The following DVL1 variants were observed in gnomAD, a reference collection of about 807,000 sequenced individuals.
DVL1 encodes segment polarity protein dishevelled homolog DVL-1.
In DVL1, 49 loss-of-function variants were observed where a neutral mutation model predicts 65.0. The observed-to-expected ratio is 0.75, with a 90% CI of 0.60 to 0.96. The LOEUF (loss-of-function observed/expected upper bound fraction) is 0.96, where lower values mean the gene tolerates loss of function less well. Ranked by LOEUF, DVL1 falls within the 40% of genes least tolerant of loss-of-function variation. DVL1 has a pLI of 0.00. For missense variants in DVL1, 1,197 were observed against 1,045.4 expected (o/e 1.15, Z -2.00); for synonymous variants, 608 against 433.9 (o/e 1.40, Z -4.99).
Position 1,348,946 on chromosome 1 carries a change from C to T in DVL1, c.120G>A (p.Arg40=). 1 of 1,574,634 alleles carries T rather than the reference C, an allele frequency of 6.4e-7. No homozygotes were observed. The highest frequency in any genetic ancestry group is 2.4e-5 in the East Asian group (1 of 41,338). ...LADFKNVLSN[R]PVHAYKFFFK... is the part of the protein sequence containing the mutation. ...AGAAGAATTTGTAGGCGTGCACGGG[C>T]CGGTTGCTGAGCACGTTCTTGAAGT... The change falls in exon 1 of 15, where the codon CGG becomes CGA. Residue 40 remains arginine (R), a synonymous_variant. Coordinates refer to ENST00000378888, the MANE Select transcript of DVL1 (RefSeq NM_001330311.2).
Position 1,341,909 on chromosome 1 carries a change from G to A in DVL1, c.467-104C>T, listed in dbSNP as rs1225656421. 2.1e-5 allele frequency: 31 copies of A among 1,473,670 alleles called. No individual in the cohort carries two copies. The African/African-American group carries it at 2.9e-4, about 14-fold the overall frequency. 91.3% of individuals were successfully genotyped at this position (1,473,670 alleles called of 1,614,324 possible). ...ATGCCTGTGGGTCTGGGAGCTGGCA[G>A]CTCAACTGTAGGCTCGCTGGGCCTG... is the stretch of plus-strand genomic sequence containing the variant. On this transcript the variant is annotated intron_variant, in intron 4 of 14. Coordinates refer to ENST00000378888, the MANE Select transcript of DVL1 (RefSeq NM_001330311.2).
At position 1,336,393 on chromosome 1, in the gene DVL1, C is replaced by A; in HGVS notation, c.1837G>T (p.Gly613Trp). 6.3e-7 allele frequency: 1 copy of A among 1,599,162 alleles called. No individual in the cohort carries two copies. The highest frequency in any genetic ancestry group is 1.1e-5 in the South Asian group (1 of 90,880). The change falls in exon 15 of 15, where the codon GGG becomes TGG. Residue 613 changes from glycine (G) to tryptophan (W), a missense_variant. Physicochemically the swap from Gly to Trp is radical, Grantham distance 184. Coordinates refer to ENST00000378888, the MANE Select transcript of DVL1 (RefSeq NM_001330311.2). ...ESDHTAPSGV[G>W]SSWRERPAGQ... ...GCCGGACGCTCTCGCCAGCTGCTCCCCACCCCACTCGGTGCCGTGTGATCC... is the reference window on the plus strand; with the variant it reads ...GCCGGACGCTCTCGCCAGCTGCTCCACACCCCACTCGGTGCCGTGTGATCC...
At position 1,346,814 on chromosome 1, in the gene DVL1, T is replaced by C. The variant is rs546831829; in HGVS notation, c.170+2082A>G. ...CCCCAGCCTGAAGCTCCCTCTCTTA[T>C]GAAGGCCACCCCAGACCAGCGAGGA... On this transcript the variant is annotated intron_variant, in intron 1 of 14. Coordinates refer to ENST00000378888, the MANE Select transcript of DVL1 (RefSeq NM_001330311.2). Among the ~76,000 whole-genome samples, 5 of 152,286 alleles carry C rather than the reference T, an allele frequency of 3.3e-5. No individual in the cohort carries two copies. The East Asian group carries it at 7.7e-4, about 23-fold the overall frequency.
Position 1,338,623 on chromosome 1 carries a change from C to G in DVL1, c.1238G>C (p.Ser413Thr), listed in dbSNP as rs1643674534. The G allele has an allele frequency of 3.1e-6, 5 of 1,611,726 alleles. No homozygotes were observed. Among genetic ancestry groups the G allele is most frequent in the Non-Finnish European group, 4.2e-6 (5 of 1,179,834 alleles). ...GACCCGGACGACGGCGCTCATGTCA[C>G]TCTTCACCGTCAGCGGCGCCTCTTC... ...QLEEAPLTVK[S>T]DMSAVVRVMQ... Residue 413 changes from serine (S) to threonine (T), a missense_variant, in exon 12 of 15, where the codon AGT becomes ACT. Physicochemically the swap from Ser to Thr is moderately conservative, Grantham distance 58. Transcript: ENST00000378888.
chr1:1,340,321 G>A lies in DVL1; in HGVS notation c.700-5C>T, dbSNP rs774635123. 14 of 1,613,830 alleles carry A rather than the reference G, an allele frequency of 8.7e-6. No individual in the cohort carries two copies. The East Asian group carries it at 2.7e-4, about 31-fold the overall frequency. On this transcript the variant is annotated splice_region_variant and splice_polypyrimidine_tract_variant and intron_variant, in intron 6 of 14. Coordinates refer to ENST00000378888, the MANE Select transcript of DVL1 (RefSeq NM_001330311.2). ...TATGCTGCTGAAGGAGGAGGCCTAT[G>A]GAGGAGAGGGGGCGTGTGTAAAAGG... is the stretch of plus-strand genomic sequence containing the variant.
Position 1,339,807 on chromosome 1 carries a change from A to G in DVL1, c.915T>C (p.Asn305=), listed in dbSNP as rs1007568387. The G allele has an allele frequency of 1.2e-6, 2 of 1,609,514 alleles. No homozygotes were observed. Among genetic ancestry groups the G allele is most frequent in the South Asian group, 1.1e-5 (1 of 91,022 alleles). The change falls in exon 9 of 15, where the codon AAT becomes AAC. Residue 305 remains asparagine, a synonymous_variant. Coordinates refer to ENST00000378888, the MANE Select transcript of DVL1 (RefSeq NM_001330311.2). The stretch of plus-strand genomic sequence containing the variant: ...TGCTCATGTTCTCAAAGTTCACGTC[A>G]TTCACCTGCAGGGGTGGGGATTAGG... The part of the protein sequence containing the change: ...IEPGDMLLQV[N]DVNFENMSND...
chr1:1,338,420 G>C lies in DVL1; in HGVS notation c.1356C>G (p.Asp452Glu), dbSNP rs375510995. ...ANAVIGADVV[D>E]WLYTHVEGFK... ...AGCCCTCCACGTGTGTGTACAGCCA[G>C]TCCACCACGTCCGCCCCTGGCCGGC... Residue 452 changes from aspartate (D) to glutamate (E), a missense_variant, in exon 13 of 15, where the codon GAC becomes GAG. Asp to Glu is a conservative substitution (Grantham distance 45). Coordinates refer to ENST00000378888, the MANE Select transcript of DVL1 (RefSeq NM_001330311.2). 1.2e-6 allele frequency: 2 copies of C among 1,611,310 alleles called. No homozygotes were observed. The highest frequency in any genetic ancestry group is 2.2e-5 in the South Asian group (2 of 91,020).
Position 1,339,335 on chromosome 1 carries a change from T to A in DVL1, c.1159A>T (p.Thr387Ser). The change falls in exon 11 of 15, where the codon ACG (threonine) becomes TCG (serine). Residue 387 changes from threonine to serine, a missense_variant. Thr to Ser is a moderately conservative substitution (Grantham distance 58). Coordinates refer to ENST00000378888, the MANE Select transcript of DVL1 (RefSeq NM_001330311.2). ...YGTSPCSSAV[T>S]RTSSSSLTSS... Reference sequence around the variant, plus strand: ...GTTAGTGAGGAGGAGCTGGTGCGCGTGACGGCGCTGGAGCAGGGACTCGTA... The same window carrying A: ...GTTAGTGAGGAGGAGCTGGTGCGCGAGACGGCGCTGGAGCAGGGACTCGTA... 6.5e-7 allele frequency: 1 copy of A among 1,548,628 alleles called. No homozygotes were observed. Among genetic ancestry groups the A allele is most frequent in the South Asian group, 1.2e-5 (1 of 83,976 alleles).
chr1:1,340,351 G>C, intron 6 of DVL1, 35 bp from the exon 7 acceptor site: 1 of 1,613,664 alleles, frequency 6.2e-7, no homozygotes, highest in Non-Finnish European at 8.5e-7. Flanking sequence ...AAAAGGCACG[G>C]GGCTGCCCGA....
At chr1:1,346,983 A>G (rs1016765209) in intron 1 of DVL1, among the ~76,000 whole-genome samples, 1 of 152,204 alleles carries the variant, frequency 6.6e-6, no homozygotes, top group Non-Finnish European at 1.5e-5. Context: ...GACAGTGCTG[A>G]GAGGTCTGCG....
intron 3 of DVL1, 46 bp downstream of exon 3, chr1:1,342,317 A>G (rs898184716): frequency 3.9e-6 from 6 of 1,525,858 alleles, no homozygotes; most frequent in Non-Finnish European, 4.4e-6. Context: ...AGCAACCCCC[A>G]TGACAGGCTT....
At position 1,338,322 on chromosome 1, in the gene DVL1, T is replaced by C. The variant is rs780909370; in HGVS notation, c.1454A>G (p.Asn485Ser). 13 of 1,612,232 alleles carry C rather than the reference T, an allele frequency of 8.1e-6. No homozygotes were observed. The Admixed American group carries it at 1.2e-4, about 14-fold the overall frequency. The change falls in exon 13 of 15, where the codon AAC (asparagine) becomes AGC (serine). Residue 485 changes from asparagine to serine, a missense_variant. Coordinates refer to ENST00000378888, the MANE Select transcript of DVL1 (RefSeq NM_001330311.2). ...LKHGFLRHTV[N>S]KITFSEQCYY... ...GCACTGCTCGGAGAAGGTGATCTTG[T>C]TGACCGTGTGCCGCAGGAAGCCGTG...
At chr1:1,341,483 A>G (rs999029155) in intron 5 of DVL1, among the ~76,000 whole-genome samples, 184 bp downstream of exon 5, 6 of 151,406 alleles carry the variant, frequency 4.0e-5, no homozygotes, top group Non-Finnish European at 7.4e-5. Context: ...CAGTGAAAAC[A>G]CCTCATGTGG....
rs543955752 is a variant in DVL1, at chr1:1,342,896, T to C, written c.171-138A>G. On this transcript the variant is annotated intron_variant, in intron 1 of 14. Coordinates refer to ENST00000378888, the MANE Select transcript of DVL1 (RefSeq NM_001330311.2). ...CACCCCTGCTAGCGCATTCTCCTCT[T>C]GGGAACCGTCCTTCCTCTCCGTCAC... The C allele has an allele frequency of 1.4e-4, 106 of 776,736 alleles. 1 individual carries two copies. The highest frequency in any genetic ancestry group is 1.3e-3 in the South Asian group (73 of 54,530). The allele number at this position is 776,736 out of a possible 1,614,324, so 48.1% of individuals were successfully genotyped here.
At chr1:1,343,300 G>C (rs1206465164) in intron 1 of DVL1, among the ~76,000 whole-genome samples, 2 of 144,066 alleles carry the variant, frequency 1.4e-5, no homozygotes, top group East Asian at 4.1e-4. Context: ...ACTCCTCAGG[G>C]CCAGGCCCCA....
At position 1,343,429 on chromosome 1, in the gene DVL1, G is replaced by A. The variant is rs565541247; in HGVS notation, c.171-671C>T. On this transcript the variant is annotated intron_variant, in intron 1 of 14. Transcript: ENST00000378888. ...CCTCCCAGCCAGCTCCAGACCAGCC[G>A]CCCACCCCTCAACAGCCAGGGCATC... is the stretch of plus-strand genomic sequence containing the variant. Among the ~76,000 whole-genome samples the A allele has an allele frequency of 3.4e-4, 51 of 152,198 alleles. No individual in the cohort carries two copies. The South Asian group carries it at 1.0e-2, about 30-fold the overall frequency.
At chr1:1,340,988 ACCTGCATACT>A (rs1643792264) in intron 5 of DVL1, among the ~76,000 whole-genome samples, 1 of 140,880 alleles carries the variant, frequency 7.1e-6, no homozygotes, top group African/African-American at 2.8e-5. Flanking sequence ...ACACATGCAC[ACCTGCATACT>A]CACCTGCACA....
Position 1,340,390 on chromosome 1 carries a change from T to C in DVL1, c.699+20A>G. 1 of 1,612,424 alleles carries C rather than the reference T, an allele frequency of 6.2e-7. No homozygotes were observed. The highest frequency in any genetic ancestry group is 8.5e-7 in the Non-Finnish European group (1 of 1,179,530). On this transcript the variant is annotated intron_variant, in intron 6 of 14. Transcript: ENST00000378888. Reference sequence around the variant, plus strand: ...TGACTTCGCCTCCCCAGCCCCGCCCTGCTCCACCCGGCTGCCTACCCGGTC... The same window carrying C: ...TGACTTCGCCTCCCCAGCCCCGCCCCGCTCCACCCGGCTGCCTACCCGGTC...
chr1:1,349,318 G>A lies in DVL1; in HGVS notation c.-253C>T, dbSNP rs1373357441. The A allele has an allele frequency of 6.9e-6, 1 of 145,500 alleles. No homozygotes were observed. Among genetic ancestry groups the A allele is most frequent in the African/African-American group, 2.5e-5 (1 of 40,566 alleles). 9.0% of individuals were successfully genotyped at this position (145,500 alleles called of 1,614,324 possible). The stretch of plus-strand genomic sequence containing the variant: ...CCGGCCCGGGAGCGGCGCGAGGGAC[G>A]CAGCACGGAGGGCGCGCTCAGCCCC... On this transcript the variant is annotated 5_prime_UTR_variant, in exon 1 of 15. Coordinates refer to ENST00000378888, the MANE Select transcript of DVL1 (RefSeq NM_001330311.2). The surrounding 1 kb of genome is among the most constrained non-coding windows in gnomAD (Gnocchi z 4.1).
Sources: allele counts gnomAD v4.1 joint callset (sites outside exome capture counted in the v4.1 genomes callset), GRCh38; gene constraint gnomAD v4.1.1; non-coding constraint Gnocchi (gnomAD v3.1); transcripts MANE v1.5; gene names NCBI Gene and HGNC (gene_info 2026-07-23, HGNC 2026-07-21).